EPS15: variants seen among roughly 807,000 people sequenced by gnomAD.
EPS15 encodes the protein epidermal growth factor receptor pathway substrate 15, also known as epidermal growth factor receptor substrate 15.
EPS15 carries 72 observed loss-of-function variants against 113.8 expected under a neutral mutation model. The observed-to-expected ratio is 0.63, with a 90% CI of 0.52 to 0.77. The LOEUF (loss-of-function observed/expected upper bound fraction) is 0.77. Ranked by LOEUF, EPS15 falls within the 30% of genes least tolerant of loss-of-function variation. The pLI is 0.00. For synonymous variants in EPS15, 344 were observed against 363.4 expected (o/e 0.95, Z 0.61); for missense variants, 1,048 against 1,045.8 (o/e 1.00, Z -0.03).
chr1:51,488,346 C>A (rs1381579757), intron 1 of EPS15, among the ~76,000 whole-genome samples: 1 of 151,888 alleles, frequency 6.6e-6, no homozygotes, highest in African/African-American at 2.4e-5. Flanking sequence ...TTCTTACCAG[C>A]TGTCACAAAG....
chr1:51,440,277 CTGTGTGTGTGTGTGTGTGTGTG>C, intron 12 of EPS15, 48 bp downstream of exon 12: 1 of 443,956 alleles, frequency 2.3e-6, no homozygotes, highest in Non-Finnish European at 4.1e-6. Flanking sequence ...TATACATGTA[CTGTGTGTGTGTGTGTGTGTGTG>C]TGTGTGTGTG....
chr1:51,519,109 G>T, intron 1 of EPS15, 90 bp downstream of exon 1: 1 of 892,382 alleles, frequency 1.1e-6, no homozygotes, highest in Non-Finnish European at 1.6e-6. Context: ...CTGCCTGCTT[G>T]GCCCACAAGC....
At chr1:51,517,481 A>G (rs1173867068) in intron 1 of EPS15, among the ~76,000 whole-genome samples, 1 of 152,248 alleles carries the variant, frequency 6.6e-6, no homozygotes, top group African/African-American at 2.4e-5. Flanking sequence ...GTATGCACAC[A>G]ACTGAGAAGC....
Position 51,356,655 on chromosome 1 carries a change from C to A in EPS15, c.*45G>T. ...ACACATTGTAAATAGTTTCAGTATT[C>A]AGGAAGAAGAATACTATATTGTTGC... On this transcript the variant is annotated 3_prime_UTR_variant, in exon 25 of 25. Coordinates refer to ENST00000371733, the MANE Select transcript of EPS15 (RefSeq NM_001981.3). 6.4e-7 allele frequency: 1 copy of A among 1,552,508 alleles called. No homozygotes were observed. Among genetic ancestry groups the A allele is most frequent in the Non-Finnish European group, 8.8e-7 (1 of 1,137,598 alleles).
At chr1:51,379,397 G>T (rs879481609) in intron 21 of EPS15, among the ~76,000 whole-genome samples, 6 of 152,096 alleles carry the variant, frequency 3.9e-5, no homozygotes, top group Non-Finnish European at 8.8e-5. Context: ...TGGGATTACA[G>T]GTATGAGCCA....
chr1:51,466,607 G>C (rs1654861165), intron 5 of EPS15, among the ~76,000 whole-genome samples: 1 of 151,124 alleles, frequency 6.6e-6, no homozygotes, highest in African/African-American at 2.4e-5. Flanking sequence ...TGGTTGACAA[G>C]AGCGAAACTC....
chr1:51,502,323 A>G (rs950839105), intron 1 of EPS15, among the ~76,000 whole-genome samples: 5 of 152,178 alleles, frequency 3.3e-5, no homozygotes, highest in African/African-American at 1.2e-4. Flanking sequence ...AGTGGCAAAT[A>G]AAAATAAATA....
At chr1:51,465,356 T>G (rs368774564) in intron 5 of EPS15, 30 bp from the exon 6 acceptor site, 1 of 1,495,066 alleles carries the variant, frequency 6.7e-7, no homozygotes, top group Non-Finnish European at 9.2e-7. Flanking sequence ...ACAACAAGAG[T>G]TGAAATTCTC....
intron 21 of EPS15, among the ~76,000 whole-genome samples, chr1:51,381,203 C>T (rs1051960254): frequency 2.0e-5 from 3 of 152,316 alleles, no homozygotes; most frequent in African/African-American, 7.2e-5. Context: ...GCAGAATACA[C>T]ATTTTCTCAA....
At chr1:51,511,474 G>A (rs1017389646) in intron 1 of EPS15, among the ~76,000 whole-genome samples, 26 of 152,300 alleles carry the variant, frequency 1.7e-4, no homozygotes, top group Admixed American at 1.0e-3. Flanking sequence ...CAGCCTGGAC[G>A]ACAGAGCGAG....
In EPS15 at chr1:51,364,048, G is replaced by C; in HGVS notation, c.2197-20C>G. On this transcript the variant is annotated intron_variant, in intron 22 of 24. Coordinates refer to ENST00000371733, the MANE Select transcript of EPS15 (RefSeq NM_001981.3). ...GTTGACCTTTGTTTAAAAAGAAATGGTTATACATGGCTATACCAAGCAAAT... is the reference window on the plus strand; with the variant it reads ...GTTGACCTTTGTTTAAAAAGAAATGCTTATACATGGCTATACCAAGCAAAT... 6.3e-7 allele frequency: 1 copy of C among 1,597,190 alleles called. No individual in the cohort carries two copies. The highest frequency in any genetic ancestry group is 1.1e-5 in the South Asian group (1 of 87,632).
At chr1:51,507,442 C>T (rs1052507027) in intron 1 of EPS15, among the ~76,000 whole-genome samples, 18 of 151,906 alleles carry the variant, frequency 1.2e-4, no homozygotes, top group African/African-American at 3.9e-4. Flanking sequence ...GCGGGTAGAT[C>T]ACAAGATCAG....
intron 2 of EPS15, among the ~76,000 whole-genome samples, chr1:51,476,713 T>C (rs1643912150): frequency 1.3e-5 from 2 of 151,978 alleles, no homozygotes; most frequent in South Asian, 2.1e-4. Context: ...TCTGCTCTGA[T>C]CTTAGTTATT....
chr1:51,416,240 T>G (rs955370519), intron 13 of EPS15, among the ~76,000 whole-genome samples: 3 of 152,152 alleles, frequency 2.0e-5, no homozygotes, highest in Non-Finnish European at 4.4e-5. Context: ...GTGCACAGAC[T>G]CAGCACTATC....
At chr1:51,420,373 T>C (rs190160039) in intron 13 of EPS15, among the ~76,000 whole-genome samples, 1 of 152,234 alleles carries the variant, frequency 6.6e-6, no homozygotes, top group Non-Finnish European at 1.5e-5. Context: ...AACCAACAGG[T>C]AGATATACTC....
chr1:51,388,269 C>T (rs961333771), intron 21 of EPS15, among the ~76,000 whole-genome samples: 2 of 152,108 alleles, frequency 1.3e-5, no homozygotes, highest in Non-Finnish European at 2.9e-5. Context: ...TCTTTGAAAC[C>T]AACGAGCACA....
chr1:51,470,603 C>T (rs756195704), intron 4 of EPS15, among the ~76,000 whole-genome samples: 2 of 143,426 alleles, frequency 1.4e-5, no homozygotes. Context: ...GCCAAGATCA[C>T]GCCACTGTAC....
chr1:51,442,800 T>G (rs989602911), intron 11 of EPS15, among the ~76,000 whole-genome samples: 1 of 151,882 alleles, frequency 6.6e-6, no homozygotes, highest in Non-Finnish European at 1.5e-5. Flanking sequence ...AAAAAAGGCA[T>G]AAAGTAAAGC....
intron 2 of EPS15, 33 bp downstream of exon 2, chr1:51,481,240 C>T: frequency 8.8e-7 from 1 of 1,130,568 alleles, no homozygotes; most frequent in Middle Eastern, 2.0e-4. Context: ...ATTTAATGTT[C>T]AATCCAGGCA....
Sources: allele counts gnomAD v4.1 joint callset (sites outside exome capture counted in the v4.1 genomes callset), GRCh38; gene constraint gnomAD v4.1.1; transcripts MANE v1.5; gene names NCBI Gene and HGNC (gene_info 2026-07-23, HGNC 2026-07-21).